NRXN3: variants seen among roughly 807,000 people sequenced by gnomAD.
NRXN3 encodes neurexin III.
Under a neutral mutation model 137.6 loss-of-function variants are expected in NRXN3, and 32 were observed. The ratio of observed to expected loss-of-function variants is 0.23; its 90% CI spans 0.18 to 0.31. The LOEUF is 0.31. Among genes scored for constraint, NRXN3 ranks in the 10% least tolerant of loss-of-function variants. The probability of loss-of-function intolerance (pLI) is 1.00; values close to 1 mark genes in which losing one functional copy is unlikely to be tolerated. For synonymous variants in NRXN3, 798 were observed against 784.5 expected (o/e 1.02, Z -0.29); for missense variants, 1,574 against 2,062.5 (o/e 0.76, Z 4.59).
intron 15 of NRXN3, among the ~76,000 whole-genome samples, chr14:79,071,162 A>G (rs552430697): frequency 6.6e-6 from 1 of 152,266 alleles, no homozygotes; most frequent in East Asian, 1.9e-4. Flanking sequence ...CGGTTGTGCT[A>G]TTCAGTGATG....
chr14:79,176,630 T>C (rs536399653), intron 15 of NRXN3, among the ~76,000 whole-genome samples: 2 of 152,248 alleles, frequency 1.3e-5, no homozygotes, highest in Non-Finnish European at 2.9e-5. Context: ...AATGTACTTA[T>C]GCTACTTCTT....
At chr14:79,688,000 T>C (rs1298679171) in intron 17 of NRXN3, among the ~76,000 whole-genome samples, 3 of 152,170 alleles carry the variant, frequency 2.0e-5, no homozygotes, top group Non-Finnish European at 4.4e-5. Flanking sequence ...GGTCAGTTGA[T>C]CTTTGGAAGA....
chr14:78,243,212 A>G lies in NRXN3; in HGVS notation c.119A>G (p.Tyr40Cys). The change falls in exon 2 of 21, where the codon TAC becomes TGC. Residue 40 changes from tyrosine to cysteine, a missense_variant. This residue lies in a region of NRXN3 where 400 missense variants were observed against 527.3 expected (regional missense o/e 0.76). Transcript: ENST00000335750. This position sits in a 1 kb window ranked among gnomAD's most constrained non-coding sequence, Gnocchi z 4.2. ...GGCCTCCCCAACCAGTGGGCCCGCT[A>G]CCTCCGCTGGGATGCCAGCACACGC... ...FMGLPNQWAR[Y>C]LRWDASTRSD... 6.5e-7 allele frequency: 1 copy of G among 1,547,236 alleles called. No homozygotes were observed. The highest frequency in any genetic ancestry group is 2.4e-5 in the East Asian group (1 of 41,614).
chr14:78,957,251 C>T lies in NRXN3; in HGVS notation c.2285C>T (p.Pro762Leu), dbSNP rs2099398552. 2 of 1,613,940 alleles carry T rather than the reference C, an allele frequency of 1.2e-6. No individual in the cohort carries two copies. Among genetic ancestry groups the T allele is most frequent in the Non-Finnish European group, 8.5e-7 (1 of 1,179,934 alleles). The change falls in exon 11 of 21, where the codon CCA (proline) becomes CTA (leucine). Residue 762 changes from proline (P) to leucine (L), a missense_variant. Physicochemically the swap from Pro to Leu is moderately conservative, Grantham distance 98. Transcript: ENST00000335750. ...TTACTACCATCCTTAGGCAAAGGACCAGAGACCTTGTATGCAGGGCAGAAG... is the reference window on the plus strand; with the variant it reads ...TTACTACCATCCTTAGGCAAAGGACTAGAGACCTTGTATGCAGGGCAGAAG... The part of the protein sequence containing the change: ...IRINCNSSKG[P>L]ETLYAGQKLN...
At chr14:79,799,068 T>C (rs533941196) in intron 19 of NRXN3, among the ~76,000 whole-genome samples, 2 of 152,204 alleles carry the variant, frequency 1.3e-5, no homozygotes, top group South Asian at 4.1e-4. Flanking sequence ...ATAAACAATG[T>C]TAGGAGGAAA....
intron 4 of NRXN3, among the ~76,000 whole-genome samples, chr14:78,303,367 G>A (rs1248566370): frequency 3.3e-5 from 5 of 152,102 alleles, no homozygotes; most frequent in Admixed American, 6.5e-5. Flanking sequence ...TTGCACGTAC[G>A]TTGAAGACAA....
In NRXN3 at chr14:79,587,628, A is replaced by G. The variant is rs145439708; in HGVS notation, c.3445-76150A>G. On this transcript the variant is annotated intron_variant, in intron 16 of 20. Coordinates refer to ENST00000335750, the MANE Select transcript of NRXN3 (RefSeq NM_001330195.2). ...AGAAAGAGGGAGGAGAGAGAAATCT[A>G]TATGTATAAATAGAAAAGCCAAGGT... 1.4e-4 allele frequency among the ~76,000 whole-genome samples: 22 copies of G among 152,370 alleles called. No individual in the cohort carries two copies. In the East Asian group the frequency reaches 3.9e-3, roughly 27 times the overall value.
intron 16 of NRXN3, chr14:79,572,797 G>C (rs1346783828): frequency 6.6e-6 from 1 of 152,190 alleles, no homozygotes; most frequent in Non-Finnish European, 1.5e-5. Context: ...GTGTAGCATA[G>C]AAGGCAGATG....
At chr14:79,261,853 C>CT (rs1195380609) in intron 15 of NRXN3, among the ~76,000 whole-genome samples, 2 of 151,940 alleles carry the variant, frequency 1.3e-5, no homozygotes, top group African/African-American at 4.8e-5. Flanking sequence ...GGCTCTGGGA[C>CT]TTTGAGAATT....
chr14:78,754,385 G>A (rs2098658061), intron 8 of NRXN3, among the ~76,000 whole-genome samples: 1 of 152,128 alleles, frequency 6.6e-6, no homozygotes, highest in Admixed American at 6.6e-5. Flanking sequence ...AGCCACACAG[G>A]CCTTCTTTCA....
In NRXN3 at chr14:78,450,819, C is replaced by T. The variant is rs142695818; in HGVS notation, c.757+152959C>T. 3.7e-3 allele frequency among the ~76,000 whole-genome samples: 563 copies of T among 152,256 alleles called. 3 individuals carry two copies. The highest frequency in any genetic ancestry group is 6.8e-3 in the Middle Eastern group (2 of 294). ...AATTGCCTGGAATTACATGGTGGCG[C>T]GAGAGGTTAGACCTTGCTGTAAATA... On this transcript the variant is annotated intron_variant, in intron 4 of 20. Coordinates refer to ENST00000335750, the MANE Select transcript of NRXN3 (RefSeq NM_001330195.2).
chr14:78,271,573 C>T (rs996377682), intron 2 of NRXN3, among the ~76,000 whole-genome samples: 3 of 152,084 alleles, frequency 2.0e-5, no homozygotes, highest in African/African-American at 4.8e-5. Context: ...ACCCTGTTTC[C>T]TCAAGCCAGA....
chr14:79,788,012 T>A (rs2099134382), intron 19 of NRXN3, among the ~76,000 whole-genome samples: 1 of 152,160 alleles, frequency 6.6e-6, no homozygotes. Context: ...TACCTGAGAC[T>A]GGCTAATTTA....
At chr14:78,295,477 G>T (rs1010020166) in intron 3 of NRXN3, among the ~76,000 whole-genome samples, 3 of 152,128 alleles carry the variant, frequency 2.0e-5, no homozygotes, top group African/African-American at 7.2e-5. Flanking sequence ...CATTTTAAAA[G>T]GATTCTTCCC....
intron 4 of NRXN3, among the ~76,000 whole-genome samples, chr14:78,540,188 T>C (rs903782203): frequency 6.6e-6 from 1 of 152,178 alleles, no homozygotes. Flanking sequence ...TATTGATTTG[T>C]CTAATATTGG....
chr14:79,692,180 T>G lies in NRXN3; in HGVS notation c.3624T>G (p.Thr1208=). The G allele has an allele frequency of 6.2e-7, 1 of 1,606,856 alleles. No homozygotes were observed. The highest frequency in any genetic ancestry group is 8.5e-7 in the Non-Finnish European group (1 of 1,176,896). Residue 1208 remains threonine (T), a synonymous_variant, in exon 18 of 21, where the codon ACT becomes ACG. Coordinates refer to ENST00000335750, the MANE Select transcript of NRXN3 (RefSeq NM_001330195.2). ...GTTTTTTAAACTTTAAAGGCAACAC[T>G]GATAATGAACGCTTCCAAATGGTAA... ...PVNEHYPTGN[T]DNERFQMVKQ...
chr14:78,565,126 T>C (rs1023513395), intron 4 of NRXN3, among the ~76,000 whole-genome samples: 8 of 152,224 alleles, frequency 5.3e-5, no homozygotes, highest in Non-Finnish European at 1.0e-4. Flanking sequence ...TCTAAGATAG[T>C]TCCTTGAACA....
chr14:79,620,473 G>C (rs775785951), intron 16 of NRXN3, among the ~76,000 whole-genome samples: 2 of 152,038 alleles, frequency 1.3e-5, no homozygotes, highest in Admixed American at 6.6e-5. Flanking sequence ...AACTTATTAG[G>C]ATGCTAGTTC....
intron 19 of NRXN3, among the ~76,000 whole-genome samples, chr14:79,788,847 AAAG>A (rs1296051439): frequency 5.9e-5 from 9 of 152,184 alleles, no homozygotes; most frequent in Non-Finnish European, 1.3e-4. Flanking sequence ...AACATTACAT[AAAG>A]AAGTGTTTGG....
Sources: allele counts gnomAD v4.1 joint callset (sites outside exome capture counted in the v4.1 genomes callset), GRCh38; gene constraint gnomAD v4.1.1; regional missense constraint gnomAD v4.1.1; non-coding constraint Gnocchi (gnomAD v3.1); transcripts MANE v1.5; gene names NCBI Gene and HGNC (gene_info 2026-07-23, HGNC 2026-07-21).